The following ZNF385D variants were observed in gnomAD, a reference collection of about 807,000 sequenced individuals.
ZNF385D encodes zinc finger protein 385D, also known as zinc finger protein 659.
A neutral mutation model predicts 35.8 loss-of-function variants in ZNF385D; 15 were observed. The observed-to-expected ratio is 0.42, with a 90% confidence interval of 0.28 to 0.64. ZNF385D has a LOEUF of 0.64. Ranked by LOEUF, ZNF385D falls within the 30% of genes least tolerant of loss-of-function variation. The probability of loss-of-function intolerance (pLI) is 0.23; values close to 1 mark genes in which losing one functional copy is unlikely to be tolerated. For missense variants in ZNF385D, 474 were observed against 494.6 expected (o/e 0.96, Z 0.39); for synonymous variants, 212 against 186.8 (o/e 1.13, Z -1.10).
intron 3 of ZNF385D, among the ~76,000 whole-genome samples, chr3:21,958,349 C>T (rs1702397159): frequency 6.6e-6 from 1 of 152,052 alleles, no homozygotes; most frequent in Non-Finnish European, 1.5e-5. Context: ...TTATTGCTTT[C>T]CAGTCACAGG....
chr3:21,805,366 T>C (rs114037356), intron 3 of ZNF385D, among the ~76,000 whole-genome samples: 2,072 of 152,318 alleles, frequency 0.014, 49 homozygotes, highest in African/African-American at 0.047. Flanking sequence ...AACAAGTCAA[T>C]TGCAGTTTTC....
chr3:22,226,691 T>A (rs1244475524), intron 2 of ZNF385D, among the ~76,000 whole-genome samples: 1 of 152,192 alleles, frequency 6.6e-6, no homozygotes, highest in African/African-American at 2.4e-5. Flanking sequence ...GAAGTCTAGG[T>A]CATCCATTTA....
intron 1 of ZNF385D, among the ~76,000 whole-genome samples, chr3:21,701,164 G>A (rs1381275556): frequency 6.6e-6 from 1 of 152,186 alleles, no homozygotes; most frequent in African/African-American, 2.4e-5. Context: ...GCAGGTATGT[G>A]TTGTCCATTT....
intron 2 of ZNF385D, among the ~76,000 whole-genome samples, chr3:22,256,827 C>T (rs565717428): frequency 2.0e-5 from 3 of 151,922 alleles, no homozygotes; most frequent in South Asian, 2.1e-4. Context: ...AAAACTCTCT[C>T]GTCTTCACAG....
At chr3:21,548,590 T>TA (rs769104661) in intron 3 of ZNF385D, among the ~76,000 whole-genome samples, 1 of 152,232 alleles carries the variant, frequency 6.6e-6, no homozygotes, top group Non-Finnish European at 1.5e-5. Context: ...CTTCCATACT[T>TA]ACGGTATTAG....
chr3:22,220,626 T>C (rs1245294870), intron 2 of ZNF385D, among the ~76,000 whole-genome samples: 2 of 152,178 alleles, frequency 1.3e-5, no homozygotes, highest in African/African-American at 2.4e-5. Context: ...TGCATAATAA[T>C]TGTATTTCAT....
Position 22,000,465 on chromosome 3 carries a change from T to A in ZNF385D, c.325+168352A>T, listed in dbSNP as rs181610980. 2.5e-3 allele frequency among the ~76,000 whole-genome samples: 385 copies of A among 152,218 alleles called. 2 individuals are homozygous for A. Among genetic ancestry groups the A allele is most frequent in the African/African-American group, 8.8e-3 (367 of 41,510 alleles). On this transcript the variant is annotated intron_variant, in intron 3 of 5. Coordinates refer to the ZNF385D transcript ENST00000494108. ...ATGGTCTAAAAAGGGGAGGCATGAA[T>A]AATCCGCCCCTTGTTTAGTGTATCA...
At chr3:22,268,006 A>G (rs1356886515) in intron 2 of ZNF385D, among the ~76,000 whole-genome samples, 1 of 152,006 alleles carries the variant, frequency 6.6e-6, no homozygotes, top group Non-Finnish European at 1.5e-5. Context: ...GAAAGCAAAT[A>G]TTCTTTCTTT....
chr3:21,904,871 G>C (rs1262419660), intron 3 of ZNF385D, among the ~76,000 whole-genome samples: 1 of 152,100 alleles, frequency 6.6e-6, no homozygotes, highest in African/African-American at 2.4e-5. Flanking sequence ...ACACACAACA[G>C]ACTCTCAAAT....
At chr3:21,993,532 C>A (rs963721694) in intron 3 of ZNF385D, among the ~76,000 whole-genome samples, 6 of 152,092 alleles carry the variant, frequency 3.9e-5, no homozygotes, top group Non-Finnish European at 7.4e-5. Flanking sequence ...GGATTTTAAT[C>A]AATTTTTCAC....
intron 2 of ZNF385D, among the ~76,000 whole-genome samples, chr3:22,306,838 A>C (rs1407819281): frequency 6.6e-6 from 1 of 152,142 alleles, no homozygotes; most frequent in African/African-American, 2.4e-5. Flanking sequence ...ATAATGAGAT[A>C]AATGTTAGAT....
chr3:21,996,700 T>G (rs1181960078), intron 3 of ZNF385D, among the ~76,000 whole-genome samples: 1 of 152,222 alleles, frequency 6.6e-6, no homozygotes, highest in African/African-American at 2.4e-5. Context: ...CATTCAAAAG[T>G]ATTTTATATT....
At position 22,116,376 on chromosome 3, in the gene ZNF385D, T is replaced by C. The variant is rs564608039; in HGVS notation, c.325+52441A>G. ...CCTTTTTTCCATTAAATTAAGAAGA[T>C]TGCTCCAATTCAAGAACTACTCAGA... is the stretch of plus-strand genomic sequence containing the variant. On this transcript the variant is annotated intron_variant, in intron 3 of 5. Coordinates refer to the ZNF385D transcript ENST00000494108. Among the ~76,000 whole-genome samples the C allele has an allele frequency of 9.6e-4, 146 of 152,112 alleles. 1 individual carries two copies. Among genetic ancestry groups the C allele is most frequent in the South Asian group, 1.7e-3 (8 of 4,822 alleles).
At chr3:22,025,462 C>A (rs945873636) in intron 3 of ZNF385D, among the ~76,000 whole-genome samples, 2 of 152,044 alleles carry the variant, frequency 1.3e-5, no homozygotes, top group African/African-American at 2.4e-5. Context: ...AAACAGCAAT[C>A]TGGAGAACAG....
chr3:22,352,284 T>C (rs1695951117), intron 2 of ZNF385D, among the ~76,000 whole-genome samples: 3 of 152,176 alleles, frequency 2.0e-5, no homozygotes, highest in South Asian at 2.1e-4. Context: ...CCTCATCTAA[T>C]AAACTTATGA....
chr3:21,922,680 G>C (rs924152478), intron 3 of ZNF385D, among the ~76,000 whole-genome samples: 3 of 152,194 alleles, frequency 2.0e-5, no homozygotes, highest in Admixed American at 6.5e-5. Context: ...CAAACCATAA[G>C]AATCCGAGAA....
Position 21,492,078 on chromosome 3 carries a change from T to C in ZNF385D, c.439+18783A>G, listed in dbSNP as rs539845596. Among the ~76,000 whole-genome samples, 44 of 152,250 alleles carry C rather than the reference T, an allele frequency of 2.9e-4. 2 individuals are homozygous for C. Among genetic ancestry groups the C allele is most frequent in the Middle Eastern group, 3.4e-3 (1 of 294 alleles). On this transcript the variant is annotated intron_variant, in intron 4 of 7. Transcript: ENST00000281523. ...GGTGCCCAAAAGCAAATACACTCAC[T>C]GACCCAACCAGGAAGTGACACATTA...
At chr3:22,251,578 G>A (rs543652515) in intron 2 of ZNF385D, among the ~76,000 whole-genome samples, 1 of 152,138 alleles carries the variant, frequency 6.6e-6, no homozygotes, top group Non-Finnish European at 1.5e-5. Flanking sequence ...GCTGTCTTGG[G>A]CTTTCTCCTG....
chr3:22,124,260 C>T (rs1238278803), intron 3 of ZNF385D, among the ~76,000 whole-genome samples: 14 of 152,032 alleles, frequency 9.2e-5, no homozygotes, highest in Admixed American at 9.2e-4. Context: ...GACATGATCT[C>T]ATTCTTTGTA....
Sources: allele counts gnomAD v4.1 joint callset (sites outside exome capture counted in the v4.1 genomes callset), GRCh38; gene constraint gnomAD v4.1.1; transcripts MANE v1.5; gene names NCBI Gene and HGNC (gene_info 2026-07-23, HGNC 2026-07-21).